SEMA5A: variants seen among roughly 807,000 people sequenced by gnomAD.
The protein encoded by SEMA5A is semaphorin-5A.
Under a neutral mutation model 135.5 loss-of-function variants are expected in SEMA5A, and 55 were observed. That is an observed-to-expected ratio of 0.41 (90% confidence interval 0.33 to 0.51). The LOEUF is 0.51. Ranked by LOEUF, SEMA5A falls within the 20% of genes least tolerant of loss-of-function variation. The probability of loss-of-function intolerance (pLI) is 0.37; values close to 1 mark genes in which losing one functional copy is unlikely to be tolerated. For missense variants in SEMA5A, 1,290 were observed against 1,419.9 expected, an observed-to-expected ratio of 0.91 and a Z score of 1.47; for synonymous variants, 580 against 546.5, an observed-to-expected ratio of 1.06 and a Z score of -0.85.
chr5:9,077,926 C>T (rs2150095987), intron 16 of SEMA5A, among the ~76,000 whole-genome samples: 1 of 152,330 alleles, frequency 6.6e-6, no homozygotes, highest in Middle Eastern at 3.4e-3. Flanking sequence ...TACCTTTCCT[C>T]CTTACCCATT....
Position 9,286,664 on chromosome 5 carries a change from A to G in SEMA5A, c.270+31708T>C, listed in dbSNP as rs150694802. Among the ~76,000 whole-genome samples the G allele has an allele frequency of 3.6e-3, 546 of 152,250 alleles. 1 individual carries two copies. The highest frequency in any genetic ancestry group is 5.6e-3 in the Non-Finnish European group (378 of 68,020). ...ATATGTTCCTTATTCATATGTTTTT[A>G]TTCAATCATTCATTCATATTTTCAT... On this transcript the variant is annotated intron_variant, in intron 5 of 22. Transcript: ENST00000382496.
intron 14 of SEMA5A, among the ~76,000 whole-genome samples, chr5:9,122,044 G>A (rs577980926): frequency 6.6e-6 from 1 of 152,276 alleles, no homozygotes; most frequent in African/African-American, 2.4e-5. Flanking sequence ...CCTGATACTT[G>A]CTTTAAAATT....
intron 11 of SEMA5A, among the ~76,000 whole-genome samples, chr5:9,163,653 C>A (rs1300934624): frequency 6.6e-6 from 1 of 152,160 alleles, no homozygotes; most frequent in African/African-American, 2.4e-5. Flanking sequence ...GCCTTCAGGA[C>A]CTCAGCATGT....
intron 16 of SEMA5A, among the ~76,000 whole-genome samples, chr5:9,086,493 T>C (rs758786571): frequency 1.3e-5 from 2 of 152,216 alleles, no homozygotes; most frequent in Non-Finnish European, 2.9e-5. Context: ...TTCTCTTGTC[T>C]GCCGCCATTT....
chr5:9,359,482 AAGGAATGGCCAGAGAAGGAATTTCCT>A (rs1163110970), intron 3 of SEMA5A, among the ~76,000 whole-genome samples: 2 of 152,198 alleles, frequency 1.3e-5, no homozygotes, highest in Non-Finnish European at 2.9e-5. Context: ...GGCCAGAATA[AAGGAATGGCCAGAGAAGGAATTTCCT>A]AGCATAACCA....
At chr5:9,490,560 G>A (rs983654684) in intron 1 of SEMA5A, among the ~76,000 whole-genome samples, 2 of 152,094 alleles carry the variant, frequency 1.3e-5, no homozygotes, top group African/African-American at 4.8e-5. Context: ...ATAAATAAAT[G>A]TATTCCTCTT....
intron 5 of SEMA5A, among the ~76,000 whole-genome samples, chr5:9,291,833 A>G (rs1751098382): frequency 6.6e-6 from 1 of 151,932 alleles, no homozygotes; most frequent in Non-Finnish European, 1.5e-5. Flanking sequence ...TGTGAGCAAA[A>G]TAAAACGGTT....
At chr5:9,401,677 T>C (rs1055559100) in intron 2 of SEMA5A, among the ~76,000 whole-genome samples, 1 of 152,166 alleles carries the variant, frequency 6.6e-6, no homozygotes, top group African/African-American at 2.4e-5. Flanking sequence ...TTCCATAAAT[T>C]AATGCCTTGA....
chr5:9,535,408 G>T (rs975751562), intron 1 of SEMA5A, among the ~76,000 whole-genome samples: 2 of 152,088 alleles, frequency 1.3e-5, no homozygotes, highest in African/African-American at 4.8e-5. Context: ...AAGATGGGCT[G>T]CCTGGACACG....
In SEMA5A at chr5:9,041,204, G is replaced by T. The variant is rs1317207561; in HGVS notation, c.*1693C>A. On this transcript the variant is annotated 3_prime_UTR_variant, in exon 23 of 23. Transcript: ENST00000382496. ...TCAACAATATTCATTATTAAACATA[G>T]AATTCTTCTAACACTTTCTGAAATT... 1 of 152,132 alleles carries T rather than the reference G, an allele frequency of 6.6e-6. No individual in the cohort carries two copies. Among genetic ancestry groups the T allele is most frequent in the Non-Finnish European group, 1.5e-5 (1 of 68,026 alleles). The allele number at this position is 152,132 out of a possible 1,614,324, so 9.4% of individuals were successfully genotyped here.
chr5:9,097,589 G>T (rs879442973), intron 16 of SEMA5A, among the ~76,000 whole-genome samples: 2 of 152,130 alleles, frequency 1.3e-5, no homozygotes, highest in Admixed American at 1.3e-4. Context: ...ACCTACAATG[G>T]GTAATGTCTC....
At chr5:9,306,450 T>A (rs1004503711) in intron 5 of SEMA5A, among the ~76,000 whole-genome samples, 1 of 78,474 alleles carries the variant, frequency 1.3e-5, no homozygotes, top group Non-Finnish European at 4.2e-5. Context: ...TAGTTCCATA[T>A]GTCAGATATT....
intron 8 of SEMA5A, among the ~76,000 whole-genome samples, chr5:9,223,312 A>C (rs1747105703): frequency 6.6e-6 from 1 of 152,192 alleles, no homozygotes; most frequent in Non-Finnish European, 1.5e-5. Flanking sequence ...GATTAGGTTG[A>C]CTGTATTATT....
chr5:9,046,244 C>T (rs1021541470), intron 21 of SEMA5A, among the ~76,000 whole-genome samples: 3 of 152,212 alleles, frequency 2.0e-5, no homozygotes, highest in African/African-American at 7.2e-5. Context: ...CCTGACCTGT[C>T]AACCCTGCAC....
At chr5:9,365,552 C>T (rs926070676) in intron 3 of SEMA5A, among the ~76,000 whole-genome samples, 1 of 152,076 alleles carries the variant, frequency 6.6e-6, no homozygotes, top group Non-Finnish European at 1.5e-5. Flanking sequence ...AGTGTTTCAG[C>T]ACCATTTAAA....
intron 6 of SEMA5A, 86 bp downstream of exon 6, chr5:9,237,742 G>T: frequency 8.1e-7 from 1 of 1,227,136 alleles, no homozygotes. Context: ...ACCGTAATCA[G>T]GAATACTCTT....
At chr5:9,299,603 C>G (rs929291725) in intron 5 of SEMA5A, among the ~76,000 whole-genome samples, 3 of 152,110 alleles carry the variant, frequency 2.0e-5, no homozygotes, top group African/African-American at 7.2e-5. Flanking sequence ...TCAACCTTGC[C>G]AGCGTTGGGC....
chr5:9,168,835 G>A (rs1159810351), intron 11 of SEMA5A, among the ~76,000 whole-genome samples: 1 of 152,126 alleles, frequency 6.6e-6, no homozygotes, highest in Non-Finnish European at 1.5e-5. Context: ...GCTCCTCCAG[G>A]CCATGTTGCT....
In SEMA5A at chr5:9,380,180, C is replaced by T. The variant is rs1335759537; in HGVS notation, c.-77-157G>A. 9 of 520,804 alleles carry T rather than the reference C, an allele frequency of 1.7e-5. No individual in the cohort carries two copies. In the Admixed American group the frequency reaches 2.4e-4, roughly 14 times the overall value. The allele number at this position is 520,804 out of a possible 1,614,324, so 32.3% of individuals were successfully genotyped here. On this transcript the variant is annotated intron_variant, in intron 2 of 22. Coordinates refer to ENST00000382496, the MANE Select transcript of SEMA5A (RefSeq NM_003966.3). The stretch of plus-strand genomic sequence containing the variant: ...GCAGCATATTTTTCTAGTCATATCC[C>T]AGGTCGTGTGTGTGTATGAATGCAT...
Sources: gnomAD v4.1 joint callset for allele counts (sites outside exome capture counted in the v4.1 genomes callset) on GRCh38, gnomAD v4.1.1 for gene constraint, MANE v1.5 for transcripts, NCBI Gene and HGNC (gene_info 2026-07-23, HGNC 2026-07-21) for gene names.